The following DNAH2 variants were observed in gnomAD, a reference collection of about 807,000 sequenced individuals.
DNAH2 encodes the protein dynein axonemal heavy chain 2, also known as axonemal beta dynein heavy chain 2.
In DNAH2, 323 loss-of-function variants were observed where a neutral mutation model predicts 523.5. The ratio of observed to expected loss-of-function variants is 0.62; its 90% confidence interval spans 0.56 to 0.68. DNAH2 has a LOEUF of 0.68. Ranked by LOEUF, DNAH2 falls within the 30% of genes least tolerant of loss-of-function variation. DNAH2 has a pLI of 0.00. For synonymous variants in DNAH2, 2,093 were observed against 2,177.4 expected (o/e 0.96, Z 1.08); for missense variants, 4,907 against 5,701.5 (o/e 0.86, Z 4.49).
chr17:7,798,544 C>T lies in DNAH2; in HGVS notation c.8399-14C>T, dbSNP rs2077132018. ...ATCTGCAGTGAGTTTGTCCTCCTTC[C>T]CTCCCCCGGCCAGATATCAAGCGTC... On this transcript the variant is annotated splice_polypyrimidine_tract_variant and intron_variant, in intron 54 of 85. Coordinates refer to ENST00000572933, the MANE Select transcript of DNAH2 (RefSeq NM_020877.5). The surrounding 1 kb of genome is among the most constrained non-coding windows in gnomAD (Gnocchi z 5.5). 6.2e-7 allele frequency: 1 copy of T among 1,613,232 alleles called. No individual in the cohort carries two copies. Among genetic ancestry groups the T allele is most frequent in the Admixed American group, 1.7e-5 (1 of 59,950 alleles).
intron 7 of DNAH2, among the ~76,000 whole-genome samples, chr17:7,736,787 G>A (rs2075154737): frequency 6.6e-6 from 1 of 152,140 alleles, no homozygotes; most frequent in Non-Finnish European, 1.5e-5. Flanking sequence ...TTCGAGACCA[G>A]TCTGGCCAAC....
chr17:7,736,992 A>T, intron 7 of DNAH2, 75 bp from the exon 8 acceptor site: 1 of 1,344,476 alleles, frequency 7.4e-7, no homozygotes, highest in South Asian at 1.4e-5. Context: ...AAAATAAATA[A>T]ATAAATAAAA....
rs762586665 is a variant in DNAH2, at chr17:7,739,892, G to A, written c.1330G>A (p.Gly444Ser). ...NLHTLRAVRG[G>S]ILDVKNTCWH... ...GCACACGCTGCGAGCCGTTCGCGGG[G>A]GTATCCTGGATGTCAAGAACACCTG... Residue 444 changes from glycine to serine, a missense_variant, in exon 9 of 86, where the codon GGT becomes AGT. Physicochemically the swap from Gly to Ser is moderately conservative, Grantham distance 56. Transcript: ENST00000572933. 8.7e-6 allele frequency: 14 copies of A among 1,613,808 alleles called. No individual in the cohort carries two copies. The highest frequency in any genetic ancestry group is 1.2e-5 in the Non-Finnish European group (14 of 1,179,944).
chr17:7,774,838 G>A lies in DNAH2; in HGVS notation c.4581G>A (p.Lys1527=). 6.2e-7 allele frequency: 1 copy of A among 1,614,226 alleles called. No homozygotes were observed. The highest frequency in any genetic ancestry group is 1.6e-4 in the Middle Eastern group (1 of 6,062). The change falls in exon 29 of 86, where the codon AAG becomes AAA. Residue 1527 remains lysine (K), a synonymous_variant. Coordinates refer to ENST00000572933, the MANE Select transcript of DNAH2 (RefSeq NM_020877.5). ...QKSLDMYLET[K]RHIFPRFYFL... ...CTCTGGATATGTATTTAGAGACCAAGCGACATATTTTCCCCCGCTTCTACT... is the reference window on the plus strand; with the variant it reads ...CTCTGGATATGTATTTAGAGACCAAACGACATATTTTCCCCCGCTTCTACT...
rs138057837 is a variant in DNAH2 at position 7,793,047 on chromosome 17, G to A, written c.7411G>A (p.Val2471Met). 5.9e-4 allele frequency: 947 copies of A among 1,614,164 alleles called. No individual in the cohort carries two copies. Among genetic ancestry groups the A allele is most frequent in the Non-Finnish European group, 7.2e-4 (850 of 1,180,018 alleles). The change falls in exon 48 of 86, where the codon GTG becomes ATG. Residue 2471 changes from valine to methionine, a missense_variant. Transcript: ENST00000572933. ...TGAGAAGCGAACCAAGGGTGTCTAC[G>A]TGCCATTCGGGGGCAAAAGCATGAT... ...RVEKRTKGVY[V>M]PFGGKSMITF...
intron 74 of DNAH2, 40 bp downstream of exon 74, chr17:7,823,668 C>A (rs1378091330): frequency 1.9e-6 from 3 of 1,604,118 alleles, no homozygotes; most frequent in East Asian, 4.5e-5. Context: ...TTTCTCCTTC[C>A]CTCCATTCAG....
intron 8 of DNAH2, chr17:7,737,880 C>T: frequency 1.5e-6 from 1 of 678,946 alleles, no homozygotes; most frequent in Non-Finnish European, 2.7e-6. Flanking sequence ...GGGGCTGAGA[C>T]ATGAAGCACG....
In DNAH2 at chr17:7,758,895, T is replaced by C; in HGVS notation, c.2219T>C (p.Ile740Thr). The C allele has an allele frequency of 1.2e-6, 2 of 1,614,016 alleles. No homozygotes were observed. The highest frequency in any genetic ancestry group is 1.7e-6 in the Non-Finnish European group (2 of 1,180,028). The part of the protein sequence containing the change: ...CRIHASKVQM[I>T]VNEFKASTLT... ...GGGGCCTGACTCTAGGTGCAGATGA[T>C]TGTGAATGAGTTCAAGGCATCCACT... The change falls in exon 15 of 86, where the codon ATT becomes ACT. Residue 740 changes from isoleucine to threonine, a missense_variant. Ile to Thr is a moderately conservative substitution (Grantham distance 89). Coordinates refer to ENST00000572933, the MANE Select transcript of DNAH2 (RefSeq NM_020877.5).
At chr17:7,774,230 T>A (rs1306867032) in intron 28 of DNAH2, among the ~76,000 whole-genome samples, 2 of 152,170 alleles carry the variant, frequency 1.3e-5, no homozygotes, top group African/African-American at 4.8e-5. Context: ...TGCTGTGATG[T>A]CGCAACAGTC....
chr17:7,794,792 T>G (rs2077018725), intron 49 of DNAH2, among the ~76,000 whole-genome samples: 1 of 151,038 alleles, frequency 6.6e-6, no homozygotes, highest in African/African-American at 2.4e-5. Context: ...TCTCACTCTG[T>G]TGCCCAGGCT....
At chr17:7,726,807 T>C (rs889371294) in intron 3 of DNAH2, among the ~76,000 whole-genome samples, 1 of 152,154 alleles carries the variant, frequency 6.6e-6, no homozygotes, top group Non-Finnish European at 1.5e-5. Flanking sequence ...AATTCACCTT[T>C]ACCTTTGAGA....
chr17:7,815,730 GGGATCACACACACATATACA>G (rs1422208382), intron 63 of DNAH2, among the ~76,000 whole-genome samples: 5 of 145,366 alleles, frequency 3.4e-5, no homozygotes, highest in African/African-American at 1.0e-4. Context: ...ACACGTATAC[GGGATCACACACACATATACA>G]GGATCACACA....
intron 12 of DNAH2, among the ~76,000 whole-genome samples, chr17:7,753,767 A>G (rs1418994607): frequency 6.6e-6 from 1 of 150,494 alleles, no homozygotes; most frequent in Non-Finnish European, 1.5e-5. Context: ...GGCCAACATG[A>G]CGAAACCCTG....
intron 25 of DNAH2, 29 bp from the exon 26 acceptor site, chr17:7,770,528 C>T (rs1385924914): frequency 9.3e-6 from 15 of 1,613,286 alleles, no homozygotes; most frequent in Non-Finnish European, 1.2e-5. Context: ...AGATACCTGA[C>T]TGCTGTGTCC....
intron 25 of DNAH2, 22 bp downstream of exon 25, chr17:7,770,430 C>T: frequency 6.2e-7 from 1 of 1,610,970 alleles, no homozygotes; most frequent in Non-Finnish European, 8.5e-7. Context: ...CCCTCCCATG[C>T]TCCCACACCT....
intron 25 of DNAH2, 51 bp from the exon 26 acceptor site, chr17:7,770,506 C>T (rs755582221): frequency 1.3e-5 from 21 of 1,613,182 alleles, no homozygotes; most frequent in Admixed American, 1.7e-5. Context: ...GCTCCTGTTC[C>T]CCTTAGTGAA....
chr17:7,830,869 G>A, intron 79 of DNAH2, 27 bp downstream of exon 79: 1 of 1,612,782 alleles, frequency 6.2e-7, no homozygotes, highest in Non-Finnish European at 8.5e-7. Flanking sequence ...CCTGGACAGG[G>A]AGCCAGAGGT....
chr17:7,796,935 C>CA (rs370280901), intron 50 of DNAH2, among the ~76,000 whole-genome samples: 14,504 of 116,122 alleles, frequency 0.12, 1,383 homozygotes, highest in African/African-American at 0.25. Context: ...ATTAAAAATA[C>CA]AAAAAAAAAA....
intron 9 of DNAH2, 84 bp downstream of exon 9, chr17:7,740,022 C>A: frequency 5.2e-6 from 7 of 1,352,638 alleles, no homozygotes; most frequent in Admixed American, 2.2e-5. Flanking sequence ...CGAGAGTATG[C>A]AAAGGAAATG....
Sources: gnomAD v4.1 joint callset for allele counts (sites outside exome capture counted in the v4.1 genomes callset) on GRCh38, gnomAD v4.1.1 for gene constraint, Gnocchi (gnomAD v3.1) non-coding constraint, MANE v1.5 for transcripts, NCBI Gene and HGNC (gene_info 2026-07-23, HGNC 2026-07-21) for gene names.